PTPRD: variants seen among roughly 807,000 people sequenced by gnomAD.
The protein encoded by PTPRD is receptor-type tyrosine-protein phosphatase delta.
A neutral mutation model predicts 214.5 loss-of-function variants in PTPRD; 34 were observed. The ratio of observed to expected loss-of-function variants is 0.16; its 90% confidence interval spans 0.12 to 0.21. PTPRD has a LOEUF of 0.21. Among genes scored for constraint, PTPRD ranks in the 10% least tolerant of loss-of-function variants. The pLI, the probability that PTPRD is intolerant of heterozygous loss-of-function variation, is 1.00. For missense variants in PTPRD, 2,545 were observed against 2,398.7 expected (o/e 1.06, Z -1.27); for synonymous variants, 1,128 against 845.7 (o/e 1.33, Z -5.79).
intron 4 of PTPRD, among the ~76,000 whole-genome samples, chr9:9,998,650 A>C (rs1450144648): frequency 6.6e-6 from 1 of 152,074 alleles, no homozygotes; most frequent in Non-Finnish European, 1.5e-5. Context: ...CCTCTAGGGG[A>C]GCTCTAAGCT....
chr9:8,469,369 T>G (rs1301391393), intron 31 of PTPRD, among the ~76,000 whole-genome samples: 1 of 152,076 alleles, frequency 6.6e-6, no homozygotes, highest in African/African-American at 2.4e-5. Context: ...CTGGCTTGGA[T>G]CTCAGTGCCT....
chr9:9,836,631 A>G (rs893988624), intron 5 of PTPRD, among the ~76,000 whole-genome samples: 88 of 152,278 alleles, frequency 5.8e-4, no homozygotes, highest in African/African-American at 2.0e-3. Context: ...AGAGTAACAT[A>G]GAGAAAAACT....
At chr9:9,702,614 G>A (rs933029656) in intron 7 of PTPRD, among the ~76,000 whole-genome samples, 2 of 152,158 alleles carry the variant, frequency 1.3e-5, no homozygotes, top group African/African-American at 4.8e-5. Context: ...GAGAAAACTG[G>A]TAGTGAGGAG....
intron 11 of PTPRD, among the ~76,000 whole-genome samples, chr9:8,765,981 G>A (rs1288999809): frequency 6.6e-6 from 1 of 151,938 alleles, no homozygotes; most frequent in African/African-American, 2.4e-5. Flanking sequence ...CTATAAACAG[G>A]TAGTTCTAAA....
At chr9:8,534,977 G>C (rs1428562729) in intron 14 of PTPRD, among the ~76,000 whole-genome samples, 1 of 151,876 alleles carries the variant, frequency 6.6e-6, no homozygotes, top group Non-Finnish European at 1.5e-5. Context: ...GGCCTCCTTT[G>C]TGCTGGACTG....
chr9:8,338,359 G>A (rs536441660), intron 43 of PTPRD, among the ~76,000 whole-genome samples: 20 of 152,132 alleles, frequency 1.3e-4, no homozygotes, highest in African/African-American at 4.6e-4. Flanking sequence ...TAGCCAACAA[G>A]GGTCATGGGA....
intron 4 of PTPRD, among the ~76,000 whole-genome samples, chr9:9,995,373 T>C (rs1739517602): frequency 6.6e-6 from 1 of 152,200 alleles, no homozygotes; most frequent in Non-Finnish European, 1.5e-5. Flanking sequence ...AAGCTATAAA[T>C]TACAAAGTTT....
chr9:9,266,173 T>A (rs2132445699), intron 9 of PTPRD, among the ~76,000 whole-genome samples: 1 of 151,456 alleles, frequency 6.6e-6, no homozygotes, highest in Non-Finnish European at 1.5e-5. Flanking sequence ...AAGGGTCAAA[T>A]CATCAAAAGG....
At chr9:8,456,692 G>A (rs893849599) in intron 33 of PTPRD, among the ~76,000 whole-genome samples, 2 of 152,124 alleles carry the variant, frequency 1.3e-5, no homozygotes, top group Admixed American at 6.5e-5. Context: ...GAAAAGGCTG[G>A]AAAAACTGAA....
At chr9:10,069,171 G>T (rs1355937094) in intron 3 of PTPRD, among the ~76,000 whole-genome samples, 1 of 151,956 alleles carries the variant, frequency 6.6e-6, no homozygotes, top group African/African-American at 2.4e-5. Flanking sequence ...CTATCTGACA[G>T]GGAAGGGAGA....
At chr9:9,524,792 C>T (rs2073641214) in intron 8 of PTPRD, among the ~76,000 whole-genome samples, 2 of 152,142 alleles carry the variant, frequency 1.3e-5, no homozygotes, top group Admixed American at 1.3e-4. Context: ...AACTTGAAAT[C>T]TCCGAATAAT....
intron 5 of PTPRD, among the ~76,000 whole-genome samples, chr9:9,931,489 G>A (rs199982529): frequency 5.3e-5 from 8 of 152,148 alleles, no homozygotes; most frequent in East Asian, 1.9e-4. Context: ...AAATCGGGTC[G>A]CTCCCACCCG....
Position 9,932,885 on chromosome 9 carries a change from G to C in PTPRD, c.-368+5622C>G, listed in dbSNP as rs1396263139. Among the ~76,000 whole-genome samples the C allele has an allele frequency of 2.2e-5, 3 of 133,476 alleles. 1 individual carries two copies. The highest frequency in any genetic ancestry group is 5.0e-5 in the Non-Finnish European group (3 of 60,326). 87.6% of individuals were successfully genotyped at this position (133,476 alleles called of 152,430 possible). A position where few individuals can be genotyped will look rare whatever the true frequency, so the allele number is the denominator to read the frequency against. ...CAGACTAACAGCAGATCTCTCGGCAGAAACCCTACCAGCCAGAAAAGAGTG... is the reference window on the plus strand; with the variant it reads ...CAGACTAACAGCAGATCTCTCGGCACAAACCCTACCAGCCAGAAAAGAGTG... On this transcript the variant is annotated intron_variant, in intron 5 of 45. Transcript: ENST00000381196.
At chr9:10,525,751 T>TGTGA (rs2054074054) in intron 2 of PTPRD, among the ~76,000 whole-genome samples, 2 of 151,794 alleles carry the variant, frequency 1.3e-5, no homozygotes, top group Admixed American at 1.3e-4. Flanking sequence ...TGTGTGTGTG[T>TGTGA]GTGTGTATTT....
chr9:9,065,469 T>C (rs947101462), intron 10 of PTPRD, among the ~76,000 whole-genome samples: 3 of 152,112 alleles, frequency 2.0e-5, no homozygotes, highest in Admixed American at 6.5e-5. Flanking sequence ...TGTGATGACA[T>C]AGGGAAGTGG....
chr9:9,318,668 A>G (rs1212231007), intron 9 of PTPRD, among the ~76,000 whole-genome samples: 2 of 152,198 alleles, frequency 1.3e-5, no homozygotes, highest in Non-Finnish European at 2.9e-5. Flanking sequence ...ATTTGATAAA[A>G]GTATCTCAAT....
chr9:8,919,560 T>C (rs559782022), intron 11 of PTPRD, among the ~76,000 whole-genome samples: 4 of 152,308 alleles, frequency 2.6e-5, no homozygotes, highest in South Asian at 4.1e-4. Context: ...AATGAGGGCA[T>C]TGTGTGCACT....
chr9:8,820,769 T>C (rs1227122029), intron 11 of PTPRD, among the ~76,000 whole-genome samples: 3 of 152,150 alleles, frequency 2.0e-5, no homozygotes, highest in Admixed American at 1.3e-4. Flanking sequence ...TATATGTCTC[T>C]GGACTCACAC....
intron 11 of PTPRD, among the ~76,000 whole-genome samples, chr9:8,906,821 G>A (rs886788569): frequency 4.6e-5 from 7 of 151,920 alleles, no homozygotes; most frequent in South Asian, 2.1e-4. Flanking sequence ...AGGGAGATCC[G>A]AAAAATGAGA....
Sources: gnomAD v4.1 joint callset for allele counts (sites outside exome capture counted in the v4.1 genomes callset) on GRCh38, gnomAD v4.1.1 for gene constraint, MANE v1.5 for transcripts, NCBI Gene and HGNC (gene_info 2026-07-23, HGNC 2026-07-21) for gene names.